Variants in FAM227B observed in about 807,000 individuals in gnomAD.
FAM227B encodes protein FAM227B.
A neutral mutation model predicts 73.8 loss-of-function variants in FAM227B; 88 were observed. The observed-to-expected ratio is 1.19, with a 90% CI of 1.00 to 1.42. The LOEUF is 1.42. FAM227B is among the 40% of genes most tolerant of loss of function. FAM227B has a pLI of 0.00. For synonymous variants in FAM227B, 210 were observed against 190.5 expected (o/e 1.10, Z -0.84); for missense variants, 632 against 590.9 (o/e 1.07, Z -0.72).
At chr15:49,483,873 C>T (rs1228306547) in intron 11 of FAM227B, among the ~76,000 whole-genome samples, 3 of 151,976 alleles carry the variant, frequency 2.0e-5, no homozygotes, top group Non-Finnish European at 2.9e-5. Flanking sequence ...TCTTCCATTA[C>T]CATTGAAGAC....
chr15:49,341,374 C>G (rs555408531), intron 13 of FAM227B, among the ~76,000 whole-genome samples: 1 of 152,092 alleles, frequency 6.6e-6, no homozygotes, highest in Non-Finnish European at 1.5e-5. Flanking sequence ...ATTGATTCTT[C>G]CAACCCATGA....
intron 11 of FAM227B, chr15:49,422,824 G>T: frequency 1.1e-6 from 1 of 898,086 alleles, no homozygotes; most frequent in Non-Finnish European, 1.7e-6. Flanking sequence ...GCACTCATAT[G>T]TTAGTTAACA....
intron 9 of FAM227B, among the ~76,000 whole-genome samples, chr15:49,563,059 C>G (rs2074380935): frequency 6.6e-6 from 1 of 152,086 alleles, no homozygotes; most frequent in African/African-American, 2.4e-5. Context: ...CAAATTATCT[C>G]TCTTCACTAA....
At chr15:49,353,125 A>C (rs934581767) in intron 13 of FAM227B, among the ~76,000 whole-genome samples, 2 of 152,222 alleles carry the variant, frequency 1.3e-5, no homozygotes, top group Non-Finnish European at 1.5e-5. Context: ...AATAGTTGCC[A>C]ATTCAGCCAC....
chr15:49,341,997 G>T (rs1261163622), intron 13 of FAM227B, among the ~76,000 whole-genome samples: 6 of 152,142 alleles, frequency 3.9e-5, no homozygotes, highest in Admixed American at 3.9e-4. Context: ...TGATAGCAAT[G>T]TATTTTCTGT....
chr15:49,427,753 T>C (rs1567255828), intron 11 of FAM227B, among the ~76,000 whole-genome samples: 2 of 151,910 alleles, frequency 1.3e-5, no homozygotes, highest in South Asian at 4.1e-4. Flanking sequence ...CTAGTAAATA[T>C]GGATTGGAGC....
intron 11 of FAM227B, among the ~76,000 whole-genome samples, chr15:49,401,892 C>T (rs1596928233): frequency 7.0e-6 from 1 of 142,416 alleles, no homozygotes; most frequent in South Asian, 2.4e-4. Flanking sequence ...GGGAGATATA[C>T]CTAATGCTAG....
chr15:49,595,145 G>C (rs1342672338), intron 3 of FAM227B, among the ~76,000 whole-genome samples: 2 of 151,700 alleles, frequency 1.3e-5, no homozygotes, highest in South Asian at 4.2e-4. Flanking sequence ...TCATCTCCTT[G>C]GTTAGACATA....
intron 9 of FAM227B, among the ~76,000 whole-genome samples, chr15:49,557,056 C>T (rs2073779156): frequency 6.6e-6 from 1 of 152,068 alleles, no homozygotes; most frequent in South Asian, 2.1e-4. Flanking sequence ...GCAGAGTTCC[C>T]ATATTCCTCC....
intron 11 of FAM227B, among the ~76,000 whole-genome samples, chr15:49,459,016 A>AC (rs1464423674): frequency 6.6e-6 from 1 of 152,212 alleles, no homozygotes; most frequent in Non-Finnish European, 1.5e-5. Flanking sequence ...TCTATTAAAA[A>AC]ACACACAAAA....
intron 9 of FAM227B, among the ~76,000 whole-genome samples, chr15:49,551,220 G>A (rs1441024106): frequency 2.0e-5 from 3 of 152,244 alleles, no homozygotes; most frequent in Admixed American, 6.6e-5. Context: ...GCAGTGGGCC[G>A]AGATGGCAGC....
At chr15:49,354,403 C>G (rs528431859) in intron 13 of FAM227B, among the ~76,000 whole-genome samples, 44 of 152,318 alleles carry the variant, frequency 2.9e-4, no homozygotes, top group Admixed American at 7.2e-4. Flanking sequence ...CGTGCGTGAG[C>G]CGAAGCAGGG....
chr15:49,433,037 T>C (rs1457422223), intron 11 of FAM227B, among the ~76,000 whole-genome samples: 1 of 151,548 alleles, frequency 6.6e-6, no homozygotes, highest in African/African-American at 2.4e-5. Context: ...AATTTGTTGC[T>C]ATTTCAATTA....
At chr15:49,471,032 G>C (rs1222838325) in intron 11 of FAM227B, among the ~76,000 whole-genome samples, 1 of 152,158 alleles carries the variant, frequency 6.6e-6, no homozygotes, top group Non-Finnish European at 1.5e-5. Context: ...TTTTTCTTGA[G>C]TAGATGTGAA....
intron 3 of FAM227B, among the ~76,000 whole-genome samples, chr15:49,601,632 G>A (rs913976427): frequency 6.6e-6 from 1 of 152,088 alleles, no homozygotes; most frequent in Admixed American, 6.5e-5. Flanking sequence ...TATCCTATGT[G>A]TCACAAATAA....
intron 11 of FAM227B, among the ~76,000 whole-genome samples, chr15:49,420,604 C>T (rs1355383501): frequency 1.3e-5 from 2 of 152,132 alleles, no homozygotes; most frequent in South Asian, 4.2e-4. Flanking sequence ...TGAAAACTGA[C>T]AGGATATGGA....
At chr15:49,566,218 A>G (rs1400893753) in intron 9 of FAM227B, among the ~76,000 whole-genome samples, 1 of 152,222 alleles carries the variant, frequency 6.6e-6, no homozygotes, top group Non-Finnish European at 1.5e-5. Context: ...GAAAAGGGAA[A>G]AACTCTATAA....
At chr15:49,589,730 T>C (rs367683498) in intron 4 of FAM227B, 46 bp downstream of exon 4, 38 of 1,192,900 alleles carry the variant, frequency 3.2e-5, no homozygotes, top group African/African-American at 1.4e-4. Flanking sequence ...CTGGGAAACA[T>C]AGTGAGACTC....
At chr15:49,394,879 T>C (rs951652738) in intron 11 of FAM227B, among the ~76,000 whole-genome samples, 1 of 152,116 alleles carries the variant, frequency 6.6e-6, no homozygotes, top group Non-Finnish European at 1.5e-5. Context: ...ATGTATAGTC[T>C]TGACTGTTGA....
Sources: allele counts gnomAD v4.1 joint callset (sites outside exome capture counted in the v4.1 genomes callset), GRCh38; gene constraint gnomAD v4.1.1; transcripts MANE v1.5; gene names NCBI Gene and HGNC (gene_info 2026-07-23, HGNC 2026-07-21).